The following ANKRD13B variants were observed in gnomAD, a reference collection of about 807,000 sequenced individuals.
ANKRD13B encodes the protein ankyrin repeat domain 13B.
In ANKRD13B, 33 loss-of-function variants were observed where a neutral mutation model predicts 74.4. The ratio of observed to expected loss-of-function variants is 0.44; its 90% CI spans 0.34 to 0.59. The LOEUF (loss-of-function observed/expected upper bound fraction) is 0.59. Ranked by LOEUF, ANKRD13B falls within the 20% of genes least tolerant of loss-of-function variation. ANKRD13B has a pLI of 0.02. For missense variants in ANKRD13B, 676 were observed against 877.9 expected (o/e 0.77, Z 2.91); for synonymous variants, 341 against 362.9 (o/e 0.94, Z 0.68).
At chr17:29,600,883 T>C (rs76738011) in intron 1 of ANKRD13B, among the ~76,000 whole-genome samples, 78 of 152,082 alleles carry the variant, frequency 5.1e-4, no homozygotes, top group African/African-American at 1.9e-3. Context: ...TGCTGACATC[T>C]CTTCTCTTTA....
intron 1 of ANKRD13B, among the ~76,000 whole-genome samples, chr17:29,595,482 G>A (rs1223341959): frequency 1.3e-5 from 2 of 152,196 alleles, no homozygotes; most frequent in Non-Finnish European, 2.9e-5. Context: ...GAGAGAGGCA[G>A]AATGCCCTGG....
chr17:29,601,520 C>G (rs1055161841), intron 1 of ANKRD13B, among the ~76,000 whole-genome samples: 3 of 152,282 alleles, frequency 2.0e-5, no homozygotes, highest in Non-Finnish European at 4.4e-5. Context: ...CTGTGCCTGG[C>G]CTCCTGACAT....
chr17:29,599,122 G>A (rs1028583352), intron 1 of ANKRD13B, among the ~76,000 whole-genome samples: 8 of 152,182 alleles, frequency 5.3e-5, no homozygotes, highest in African/African-American at 1.7e-4. Context: ...TTTCTAAGGA[G>A]GTGACATTTG....
chr17:29,608,942 T>C lies in ANKRD13B; in HGVS notation c.513T>C (p.Phe171=), dbSNP rs1045321856. 6.2e-7 allele frequency: 1 copy of C among 1,613,944 alleles called. No individual in the cohort carries two copies. The highest frequency in any genetic ancestry group is 1.3e-5 in the African/African-American group (1 of 74,912). The change falls in exon 5 of 15, where the codon TTT becomes TTC. Residue 171 remains phenylalanine (F), a synonymous_variant. Coordinates refer to ENST00000394859, the MANE Select transcript of ANKRD13B (RefSeq NM_152345.5). This position sits in a 1 kb window ranked among gnomAD's most constrained non-coding sequence, Gnocchi z 6.4. ...NLRVDTTLLG[F]DHMTWQRGNR... ...GGGTAGACACCACACTCCTGGGCTT[T>C]GACCACATGACCTGGCAGCGAGGGA...
rs185512758 is a variant in ANKRD13B at position 29,595,376 on chromosome 17, G to A, written c.114+1641G>A. ...GCCTCATGTGGGAAGAACTTCCCAGGGGTCCAAGGATCACTAGGCAGAAGG... is the reference window on the plus strand; with the variant it reads ...GCCTCATGTGGGAAGAACTTCCCAGAGGTCCAAGGATCACTAGGCAGAAGG... On this transcript the variant is annotated intron_variant, in intron 1 of 14. Coordinates refer to ENST00000394859, the MANE Select transcript of ANKRD13B (RefSeq NM_152345.5). Among the ~76,000 whole-genome samples the A allele has an allele frequency of 1.0e-3, 156 of 152,336 alleles. 1 individual carries two copies. The highest frequency in any genetic ancestry group is 3.7e-3 in the African/African-American group (152 of 41,572).
At chr17:29,597,977 T>C (rs915765845) in intron 1 of ANKRD13B, among the ~76,000 whole-genome samples, 6 of 152,138 alleles carry the variant, frequency 3.9e-5, no homozygotes, top group Non-Finnish European at 7.4e-5. Flanking sequence ...TAGGGTCTTA[T>C]TAGCTGCAGC....
chr17:29,602,742 A>G (rs1422371840), intron 1 of ANKRD13B, among the ~76,000 whole-genome samples: 1 of 152,226 alleles, frequency 6.6e-6, no homozygotes, highest in Admixed American at 6.5e-5. Context: ...ATAGGCTGTG[A>G]GGGTCAGAAT....
At position 29,609,722 on chromosome 17, in the gene ANKRD13B, A is replaced by G. The variant is rs74481278; in HGVS notation, c.822+301A>G. On this transcript the variant is annotated intron_variant, in intron 7 of 14. Coordinates refer to ENST00000394859, the MANE Select transcript of ANKRD13B (RefSeq NM_152345.5). The surrounding 1 kb of genome is among the most constrained non-coding windows in gnomAD (Gnocchi z 4.0). ...ATGTTTATTGAGTCCTTTCCTTGGCATCCCATTTACTCTTCACAACAACCC... is the reference window on the plus strand; with the variant it reads ...ATGTTTATTGAGTCCTTTCCTTGGCGTCCCATTTACTCTTCACAACAACCC... Among the ~76,000 whole-genome samples, 1,764 of 152,266 alleles carry G rather than the reference A, an allele frequency of 0.012. 40 individuals carry two copies. Among genetic ancestry groups the G allele is most frequent in the African/African-American group, 0.038 (1,588 of 41,550 alleles).
intron 1 of ANKRD13B, among the ~76,000 whole-genome samples, chr17:29,600,922 C>CTTT (rs35831588): frequency 8.0e-5 from 10 of 125,680 alleles, no homozygotes; most frequent in East Asian, 2.2e-4. Context: ...ATTTTACTGA[C>CTTT]TTTTTTTTTT....
rs768133799 is a variant in ANKRD13B at position 29,612,958 on chromosome 17, G to A, written c.1647G>A (p.Gln549=). ...CCATGTCCTACGAGGGTCGCCGACA[G>A]GACAGGTCAGTGCCCGCTGGGCCGG... ...THPMSYEGRR[Q]DRSAPPTPQR... Residue 549 remains glutamine, a synonymous_variant, in exon 14 of 15, where the codon CAG becomes CAA. Transcript: ENST00000394859. The surrounding 1 kb of genome is among the most constrained non-coding windows in gnomAD (Gnocchi z 6.1). 2.5e-6 allele frequency: 4 copies of A among 1,597,356 alleles called. No individual in the cohort carries two copies. The highest frequency in any genetic ancestry group is 2.2e-5 in the South Asian group (2 of 90,910).
chr17:29,613,743 C>A lies in ANKRD13B; in HGVS notation c.*161C>A. On this transcript the variant is annotated 3_prime_UTR_variant, in exon 15 of 15. Transcript: ENST00000394859. Reference sequence around the variant, plus strand: ...AGGCACGGTTCGGGGAGGGATTCGGCATGGCCGCGGGGTACCTTCCCAGGC... The same window carrying A: ...AGGCACGGTTCGGGGAGGGATTCGGAATGGCCGCGGGGTACCTTCCCAGGC... 1 of 1,201,486 alleles carries A rather than the reference C, an allele frequency of 8.3e-7. No homozygotes were observed. The highest frequency in any genetic ancestry group is 1.1e-6 in the Non-Finnish European group (1 of 916,812). 74.4% of individuals were successfully genotyped at this position (1,201,486 alleles called of 1,614,324 possible).
rs199779863 is a variant in ANKRD13B at position 29,613,535 on chromosome 17, G to C, written c.1834G>C (p.Glu612Gln). Reference protein sequence around the residue: ...EERRRRARQEEEELERILRLS... With the variant: ...EERRRRARQEQEELERILRLS... ...GAGGCGGCGGCGCGCGCGCCAGGAG[G>C]AGGAGGAGCTGGAGCGCATCCTGAG... Residue 612 changes from glutamate (E) to glutamine (Q), a missense_variant, in exon 15 of 15, where the codon GAG becomes CAG. Physicochemically the swap from Glu to Gln is conservative, Grantham distance 29. Transcript: ENST00000394859. 2.4e-4 allele frequency: 361 copies of C among 1,524,416 alleles called. No individual in the cohort carries two copies. In the African/African-American group the frequency reaches 4.6e-3, roughly 19 times the overall value. 94.4% of individuals were successfully genotyped at this position (1,524,416 alleles called of 1,614,324 possible). A position where few individuals can be genotyped will look rare whatever the true frequency, so the allele number is the denominator to read the frequency against.
chr17:29,608,962 G>C lies in ANKRD13B; in HGVS notation c.533G>C (p.Arg178Pro). The C allele has an allele frequency of 6.2e-7, 1 of 1,614,130 alleles. No homozygotes were observed. The highest frequency in any genetic ancestry group is 8.5e-7 in the Non-Finnish European group (1 of 1,180,036). The change falls in exon 5 of 15, where the codon CGA (arginine) becomes CCA (proline). Residue 178 changes from arginine (R) to proline (P), a missense_variant. By Grantham distance (103) the Arg-to-Pro change is moderately radical. This residue lies in a region of ANKRD13B where 328 missense variants were observed against 518.4 expected (regional missense o/e 0.63). Coordinates refer to ENST00000394859, the MANE Select transcript of ANKRD13B (RefSeq NM_152345.5). The surrounding 1 kb of genome is among the most constrained non-coding windows in gnomAD (Gnocchi z 6.4). ...GGCTTTGACCACATGACCTGGCAGC[G>C]AGGGAACCGCAGCTTTGTCTTCAGG... ...LLGFDHMTWQRGNRSFVFRGQ... is the reference protein window; with the variant it reads ...LLGFDHMTWQPGNRSFVFRGQ...
chr17:29,608,121 GC>G lies in ANKRD13B; in HGVS notation c.375+13del, dbSNP rs761340883. The G allele has an allele frequency of 6.2e-7, 1 of 1,613,604 alleles. No homozygotes were observed. The highest frequency in any genetic ancestry group is 1.1e-5 in the South Asian group (1 of 91,048). On this transcript the variant is annotated intron_variant, in intron 3 of 14. Transcript: ENST00000394859. The surrounding 1 kb of genome is among the most constrained non-coding windows in gnomAD (Gnocchi z 6.4). ...GAGAAGCTGCGCAAGGTGAGGCCCAGCCTCTCAGCCTCCACGGGAGCCCTTG... is the reference window on the plus strand; with the variant it reads ...GAGAAGCTGCGCAAGGTGAGGCCCAGCTCTCAGCCTCCACGGGAGCCCTTG...
At chr17:29,606,131 G>A (rs1443617285) in intron 1 of ANKRD13B, among the ~76,000 whole-genome samples, 1 of 150,354 alleles carries the variant, frequency 6.7e-6, no homozygotes, top group African/African-American at 2.4e-5. Context: ...GGCTGGTCTC[G>A]AACTCCCAAC....
intron 7 of ANKRD13B, 31 bp from the exon 8 acceptor site, chr17:29,610,654 G>A: frequency 6.2e-7 from 1 of 1,609,758 alleles, no homozygotes; most frequent in Non-Finnish European, 8.5e-7. Context: ...GACCAGAACT[G>A]CTTATGAGCC....
intron 1 of ANKRD13B, among the ~76,000 whole-genome samples, chr17:29,606,814 C>T (rs943425262): frequency 1.1e-4 from 16 of 151,368 alleles, no homozygotes; most frequent in African/African-American, 3.6e-4. Context: ...TTTGGGAGCC[C>T]GAGCCAGGTG....
At position 29,608,312 on chromosome 17, in the gene ANKRD13B, T is replaced by C. The variant is rs959609519; in HGVS notation, c.421+72T>C. 1.0e-5 allele frequency: 16 copies of C among 1,595,360 alleles called. No individual in the cohort carries two copies. The highest frequency in any genetic ancestry group is 1.4e-5 in the Non-Finnish European group (16 of 1,166,750). ...CCTGCGCTTGCTCCCCTGCCTGGAA[T>C]GTGTTCTCATAGTTCTTCCGGCGGT... On this transcript the variant is annotated intron_variant, in intron 4 of 14. Transcript: ENST00000394859. This position sits in a 1 kb window ranked among gnomAD's most constrained non-coding sequence, Gnocchi z 6.4.
chr17:29,612,615 C>G lies in ANKRD13B; in HGVS notation c.1412-37C>G. 6.6e-7 allele frequency: 1 copy of G among 1,515,976 alleles called. No individual in the cohort carries two copies. Among genetic ancestry groups the G allele is most frequent in the Non-Finnish European group, 8.8e-7 (1 of 1,134,534 alleles). The allele number at this position is 1,515,976 out of a possible 1,614,324, so 93.9% of individuals were successfully genotyped here. A position where few individuals can be genotyped will look rare whatever the true frequency, so the allele number is the denominator to read the frequency against. ...CTCCCCGGGGTGGGTGGGAGGGGCG[C>G]GCCCGGCCGTGCCTGACCCAGCCCC... On this transcript the variant is annotated intron_variant, in intron 12 of 14. Coordinates refer to ENST00000394859, the MANE Select transcript of ANKRD13B (RefSeq NM_152345.5). The surrounding 1 kb of genome is among the most constrained non-coding windows in gnomAD (Gnocchi z 6.1).
Sources: allele counts gnomAD v4.1 joint callset (sites outside exome capture counted in the v4.1 genomes callset), GRCh38; gene constraint gnomAD v4.1.1; regional missense constraint gnomAD v4.1.1; non-coding constraint Gnocchi (gnomAD v3.1); transcripts MANE v1.5; gene names NCBI Gene and HGNC (gene_info 2026-07-23, HGNC 2026-07-21).